The following LRP1B variants were observed in gnomAD, a reference collection of about 807,000 sequenced individuals.
LRP1B encodes the protein LDL receptor related protein 1B, also known as low-density lipoprotein receptor-related protein 1B.
Under a neutral mutation model 556.6 loss-of-function variants are expected in LRP1B, and 217 were observed. The observed-to-expected ratio is 0.39, with a 90% CI of 0.35 to 0.44. LRP1B has a LOEUF of 0.44. Ranked by LOEUF, LRP1B falls within the 20% of genes least tolerant of loss-of-function variation. The probability of loss-of-function intolerance (pLI) is 1.00; values close to 1 mark genes in which losing one functional copy is unlikely to be tolerated. For synonymous variants in LRP1B, 2,047 were observed against 1,865.8 expected, an observed-to-expected ratio of 1.10 and a Z score of -2.50; for missense variants, 5,053 against 5,620.8, an observed-to-expected ratio of 0.90 and a Z score of 3.23.
At chr2:141,022,844 T>C (rs6429857) in intron 11 of LRP1B, among the ~76,000 whole-genome samples, 2 of 151,648 alleles carry the variant, frequency 1.3e-5, no homozygotes, top group African/African-American at 2.4e-5. Flanking sequence ...GTATTCTACA[T>C]TATAAAATTC....
At chr2:141,542,446 C>A (rs1685295467) in intron 2 of LRP1B, among the ~76,000 whole-genome samples, 2 of 151,992 alleles carry the variant, frequency 1.3e-5, no homozygotes, top group African/African-American at 4.8e-5. Context: ...TAAAAATATG[C>A]AGCTTTACTT....
chr2:140,477,135 C>T (rs17478629), intron 59 of LRP1B, among the ~76,000 whole-genome samples: 23,681 of 151,832 alleles, frequency 0.16, 2,292 homozygotes, highest in Non-Finnish European at 0.22. Context: ...AGAAGAGATG[C>T]AAAAGAAGAA....
At chr2:141,960,633 T>C (rs1348047616) in intron 1 of LRP1B, among the ~76,000 whole-genome samples, 4 of 151,934 alleles carry the variant, frequency 2.6e-5, no homozygotes, top group Non-Finnish European at 4.4e-5. Context: ...AAACCAGAAA[T>C]GTTTAATTTC....
intron 2 of LRP1B, among the ~76,000 whole-genome samples, chr2:141,762,272 GA>G (rs907195855): frequency 2.2e-4 from 33 of 150,996 alleles, no homozygotes; most frequent in African/African-American, 7.8e-4. Context: ...AGGGAGCAGG[GA>G]AAAAAAATGA....
intron 35 of LRP1B, among the ~76,000 whole-genome samples, chr2:140,767,690 C>A (rs1259520605): frequency 6.6e-6 from 1 of 151,090 alleles, no homozygotes; most frequent in Non-Finnish European, 1.5e-5. Context: ...GGTACATGTG[C>A]ACATTGTGCA....
intron 6 of LRP1B, among the ~76,000 whole-genome samples, chr2:141,219,351 T>G (rs1395156829): frequency 6.6e-6 from 1 of 152,218 alleles, no homozygotes; most frequent in Non-Finnish European, 1.5e-5. Flanking sequence ...AGATTGCTCC[T>G]TTAGCTGGGA....
chr2:140,632,468 G>A (rs547164780), intron 41 of LRP1B, among the ~76,000 whole-genome samples: 1 of 151,968 alleles, frequency 6.6e-6, no homozygotes, highest in Admixed American at 6.6e-5. Context: ...AATGTTTATT[G>A]CAAACCATAG....
At chr2:140,608,066 C>G (rs1682935204) in intron 41 of LRP1B, among the ~76,000 whole-genome samples, 1 of 151,058 alleles carries the variant, frequency 6.6e-6, no homozygotes, top group African/African-American at 2.4e-5. Flanking sequence ...AAAAATTAAA[C>G]AAATTAAAAA....
chr2:140,659,040 T>C (rs1045188146), intron 41 of LRP1B, among the ~76,000 whole-genome samples: 2 of 150,984 alleles, frequency 1.3e-5, no homozygotes. Context: ...GAGTTGTAAA[T>C]CTGTTTCAGT....
chr2:141,089,888 T>C (rs1391399722), intron 7 of LRP1B, among the ~76,000 whole-genome samples: 3 of 152,188 alleles, frequency 2.0e-5, no homozygotes, highest in East Asian at 3.9e-4. Flanking sequence ...AAAGAAGTGA[T>C]AACAGCAAAG....
intron 1 of LRP1B, among the ~76,000 whole-genome samples, chr2:142,119,789 C>CT (rs1460078575): frequency 6.6e-6 from 1 of 151,972 alleles, no homozygotes; most frequent in African/African-American, 2.4e-5. Context: ...TCAACAAGGA[C>CT]TAAATAGACC....
chr2:141,885,269 G>C (rs1699074729), intron 1 of LRP1B, among the ~76,000 whole-genome samples: 1 of 152,114 alleles, frequency 6.6e-6, no homozygotes, highest in Non-Finnish European at 1.5e-5. Context: ...AATGATGGCA[G>C]GCTTTTTTCT....
At chr2:141,567,070 C>A (rs1686358271) in intron 2 of LRP1B, among the ~76,000 whole-genome samples, 1 of 152,026 alleles carries the variant, frequency 6.6e-6, no homozygotes, top group African/African-American at 2.4e-5. Flanking sequence ...AAGAGGAAAT[C>A]ATTTTAGTAT....
chr2:141,102,292 T>C (rs10048631), intron 7 of LRP1B, among the ~76,000 whole-genome samples: 55,119 of 151,866 alleles, frequency 0.36, 10,472 homozygotes, highest in East Asian at 0.66. Context: ...ACAGGCGATA[T>C]ACCTCTAACA....
At chr2:140,445,862 A>G (rs1686636574) in intron 63 of LRP1B, among the ~76,000 whole-genome samples, 1 of 152,152 alleles carries the variant, frequency 6.6e-6, no homozygotes, top group Non-Finnish European at 1.5e-5. Flanking sequence ...CTTTTGACTA[A>G]TGATTTTAAT....
chr2:140,343,815 A>G (rs1168401980), intron 77 of LRP1B, among the ~76,000 whole-genome samples: 1 of 151,726 alleles, frequency 6.6e-6, no homozygotes, highest in Non-Finnish European at 1.5e-5. Flanking sequence ...TGCTGGGTGA[A>G]AGGGGACAGA....
At chr2:141,544,276 T>G (rs1685377150) in intron 2 of LRP1B, among the ~76,000 whole-genome samples, 1 of 150,666 alleles carries the variant, frequency 6.6e-6, no homozygotes, top group African/African-American at 2.4e-5. Flanking sequence ...AAAGAAAGTC[T>G]TCTCTTAAGA....
At chr2:140,428,656 G>A (rs1238286458) in intron 66 of LRP1B, among the ~76,000 whole-genome samples, 3 of 152,100 alleles carry the variant, frequency 2.0e-5, no homozygotes, top group African/African-American at 4.8e-5. Context: ...CATCACGGAC[G>A]TCAAGCTTCG....
At chr2:140,378,333 C>A in intron 67 of LRP1B, 47 bp from the exon 68 acceptor site, 1 of 1,025,220 alleles carries the variant, frequency 9.8e-7, no homozygotes, top group Non-Finnish European at 1.5e-6. Context: ...TATGTAAGTG[C>A]ATTGTAAAAT....
Sources: gnomAD v4.1 joint callset for allele counts (sites outside exome capture counted in the v4.1 genomes callset) on GRCh38, gnomAD v4.1.1 for gene constraint, MANE v1.5 for transcripts, NCBI Gene and HGNC (gene_info 2026-07-23, HGNC 2026-07-21) for gene names.